FAM72B: variants seen among roughly 807,000 people sequenced by gnomAD.
The protein encoded by FAM72B is RUMY family member 2, also known as protein FAM72B.
Under a neutral mutation model 12.6 loss-of-function variants are expected in FAM72B, and 4 were observed. The ratio of observed to expected loss-of-function variants is 0.32; its 90% CI spans 0.16 to 0.73. FAM72B has a LOEUF of 0.73. FAM72B is among the 30% of genes least tolerant of loss of function. The probability of loss-of-function intolerance (pLI) is 0.67; values close to 1 mark genes in which losing one functional copy is unlikely to be tolerated. For synonymous variants in FAM72B, 13 were observed against 53.9 expected (o/e 0.24, Z 3.32); for missense variants, 61 against 158.4 (o/e 0.39, Z 3.30).
At position 121,183,566 on chromosome 1, in the gene FAM72B, A is replaced by T; in HGVS notation, c.-77T>A. ...ATGCTCCTACTATTTTGATTCCCCTAGGCTAAAATTCAAGTTGCGGGACCT... is the reference window on the plus strand; with the variant it reads ...ATGCTCCTACTATTTTGATTCCCCTTGGCTAAAATTCAAGTTGCGGGACCT... On this transcript the variant is annotated 5_prime_UTR_variant, in exon 1 of 4. Coordinates refer to ENST00000369390, the MANE Select transcript of FAM72B (RefSeq NM_001100910.2). 1 of 1,609,930 alleles carries T rather than the reference A, an allele frequency of 6.2e-7. No homozygotes were observed. Among genetic ancestry groups the T allele is most frequent in the Non-Finnish European group, 8.5e-7 (1 of 1,178,668 alleles).
chr1:121,179,438 C>G (rs1654283252), intron 2 of FAM72B, among the ~76,000 whole-genome samples: 1 of 148,696 alleles, frequency 6.7e-6, no homozygotes, highest in Admixed American at 6.7e-5. Flanking sequence ...TAATCTCACA[C>G]TTTGGGAGGC....
intron 2 of FAM72B, among the ~76,000 whole-genome samples, chr1:121,180,419 C>T (rs1183517711): frequency 7.5e-6 from 1 of 133,706 alleles, no homozygotes; most frequent in African/African-American, 3.1e-5. Flanking sequence ...CATGGTGGTG[C>T]GTGCATGTAA....
intron 3 of FAM72B, among the ~76,000 whole-genome samples, chr1:121,169,076 GGATCACGGTTCACAATCACA>G (rs1654036392): frequency 6.6e-6 from 1 of 150,542 alleles, no homozygotes; most frequent in Non-Finnish European, 1.5e-5. Flanking sequence ...GTGCCTGGCA[GGATCACGGTTCACAATCACA>G]GATCACTGCA....
chr1:121,177,323 A>G lies in FAM72B; in HGVS notation c.240T>C (p.Ile80=). The G allele has an allele frequency of 6.2e-7, 1 of 1,611,288 alleles. No individual in the cohort carries two copies. The highest frequency in any genetic ancestry group is 8.5e-7 in the Non-Finnish European group (1 of 1,179,702). Residue 80 remains isoleucine, a synonymous_variant, in exon 3 of 4, where the codon ATT becomes ATC. Transcript: ENST00000369390. ...KDIACLKCGN[I]VGYHVIVPCS... is the part of the protein sequence containing the mutation. ...ATGGAACAATCACATGATAACCTAC[A>G]ATGTTCCCACTAGAAAAGAAAGTAA...
In FAM72B at chr1:121,183,865, TCC is replaced by T. The variant is rs1558072037; in HGVS notation, c.-378_-377del. ...CTTCATAGCAATTCCCTCAGCCTTC[TCC>T]GATCGTCTAATTTAAAGCTTCTCCT... is the stretch of plus-strand genomic sequence containing the variant. On this transcript the variant is annotated 5_prime_UTR_variant, in exon 1 of 4. Transcript: ENST00000369390. 1 of 153,324 alleles carries T rather than the reference TCC, an allele frequency of 6.5e-6. No homozygotes were observed. Among genetic ancestry groups the T allele is most frequent in the Non-Finnish European group, 1.4e-5 (1 of 69,668 alleles). 9.5% of individuals were successfully genotyped at this position (153,324 alleles called of 1,614,324 possible).
intron 2 of FAM72B, among the ~76,000 whole-genome samples, chr1:121,179,836 A>G (rs587607635): frequency 6.8e-6 from 1 of 147,978 alleles, no homozygotes; most frequent in East Asian, 1.9e-4. Context: ...TTAAAAAAAA[A>G]AAAAAAAAGA....
At chr1:121,182,108 A>G (rs1654344494) in intron 1 of FAM72B, among the ~76,000 whole-genome samples, 1 of 152,260 alleles carries the variant, frequency 6.6e-6, no homozygotes, top group Admixed American at 6.5e-5. Flanking sequence ...AAAGCAGTGG[A>G]CAATGAATCA....
Position 121,183,347 on chromosome 1 carries a change from G to A in FAM72B, c.143C>T (p.Pro48Leu). The change falls in exon 1 of 4, where the codon CCT becomes CTT. Residue 48 changes from proline (P) to leucine (L), a missense_variant. Around this residue, in one of 2 missense-constraint regions of FAM72B, gnomAD observed 12 missense variants for 78.0 expected, o/e 0.15. Transcript: ENST00000369390. ...TEIDLFSTDIPPTNAVDFTGR... is the reference protein window; with the variant it reads ...TEIDLFSTDILPTNAVDFTGR... ...CACTAGCATGACTTACTTGGTAGGA[G>A]GGATGTCTGTAGAGAAAAGGTCTAT... 1 of 1,265,714 alleles carries A rather than the reference G, an allele frequency of 7.9e-7. No individual in the cohort carries two copies. 78.4% of individuals were successfully genotyped at this position (1,265,714 alleles called of 1,614,324 possible). A position where few individuals can be genotyped will look rare whatever the true frequency, so the allele number is the denominator to read the frequency against.
intron 3 of FAM72B, among the ~76,000 whole-genome samples, chr1:121,174,574 T>C (rs1246427070): frequency 3.3e-5 from 5 of 150,286 alleles, no homozygotes; most frequent in African/African-American, 7.3e-5. Flanking sequence ...TCCATGTTGG[T>C]CAGGCTGGTC....
At chr1:121,180,451 A>G (rs1553317483) in intron 2 of FAM72B, among the ~76,000 whole-genome samples, 1 of 131,420 alleles carries the variant, frequency 7.6e-6, no homozygotes, top group Non-Finnish European at 1.6e-5. Flanking sequence ...CAGGAGGCTG[A>G]GGCAGGAGAA....
intron 2 of FAM72B, among the ~76,000 whole-genome samples, chr1:121,179,598 C>A (rs1230235579): frequency 6.6e-6 from 1 of 152,172 alleles, no homozygotes; most frequent in Non-Finnish European, 1.5e-5. Context: ...GAGGCCAAGG[C>A]AGGTGGTCTG....
At chr1:121,174,512 C>T (rs1570680631) in intron 3 of FAM72B, among the ~76,000 whole-genome samples, 1 of 145,614 alleles carries the variant, frequency 6.9e-6, no homozygotes, top group African/African-American at 2.5e-5. Flanking sequence ...GGATTATAGG[C>T]ATGCGCCACC....
At chr1:121,172,963 G>T (rs1195058545) in intron 3 of FAM72B, among the ~76,000 whole-genome samples, 6 of 127,386 alleles carry the variant, frequency 4.7e-5, no homozygotes, top group African/African-American at 9.5e-5. Flanking sequence ...CTGTAATCTC[G>T]CTACTCGGGA....
chr1:121,172,763 A>G (rs1654121405), intron 3 of FAM72B, among the ~76,000 whole-genome samples: 1 of 110,416 alleles, frequency 9.1e-6, no homozygotes, highest in African/African-American at 4.2e-5. Flanking sequence ...TCCATCTCAA[A>G]AAAAAAAAAA....
chr1:121,182,116 T>A (rs587707677), intron 1 of FAM72B, among the ~76,000 whole-genome samples: 55 of 152,374 alleles, frequency 3.6e-4, no homozygotes, highest in African/African-American at 1.2e-3. Flanking sequence ...GGACAATGAA[T>A]CACAGAACTT....
rs587737315 is a variant in FAM72B at position 121,183,643 on chromosome 1, T to C, written c.-154A>G. On this transcript the variant is annotated 5_prime_UTR_variant, in exon 1 of 4. Transcript: ENST00000369390. ...GAAGGAAATTAGTTTTTTTTTTCTG[T>C]TTTCCCGGTGGCGGAGTAGAAGAAG... 16 of 1,521,868 alleles carry C rather than the reference T, an allele frequency of 1.1e-5. No homozygotes were observed. In the South Asian group the frequency reaches 2.1e-4, roughly 20 times the overall value. 94.3% of individuals were successfully genotyped at this position (1,521,868 alleles called of 1,614,324 possible).
chr1:121,174,424 AT>A (rs1328122772), intron 3 of FAM72B, among the ~76,000 whole-genome samples: 2 of 144,220 alleles, frequency 1.4e-5, no homozygotes, highest in African/African-American at 5.2e-5. Flanking sequence ...CTGGAGTGCA[AT>A]GGCGTGATCT....
chr1:121,173,183 AAT>A lies in FAM72B; in HGVS notation c.355+4023_355+4024del, dbSNP rs1491129577. 5.0e-5 allele frequency among the ~76,000 whole-genome samples: 6 copies of A among 118,992 alleles called. No individual in the cohort carries two copies. In the East Asian group the frequency reaches 8.4e-4, roughly 17 times the overall value. The allele number at this position is 118,992 out of a possible 152,430, so 78.1% of individuals were successfully genotyped here. A position where few individuals can be genotyped will look rare whatever the true frequency, so the allele number is the denominator to read the frequency against. ...TGGTAGTGTACTTTCTTACTAAAAT[AAT>A]TTTTTTTTTTTTTTTTTGAGACAGG... On this transcript the variant is annotated intron_variant, in intron 3 of 3. Transcript: ENST00000369390.
intron 3 of FAM72B, among the ~76,000 whole-genome samples, chr1:121,169,746 A>G (rs1654053124): frequency 6.6e-6 from 1 of 151,840 alleles, no homozygotes; most frequent in Non-Finnish European, 1.5e-5. Flanking sequence ...AGGTTGCAGC[A>G]GTCACTATAA....
Sources: allele counts gnomAD v4.1 joint callset (sites outside exome capture counted in the v4.1 genomes callset), GRCh38; gene constraint gnomAD v4.1.1; regional missense constraint gnomAD v4.1.1; transcripts MANE v1.5; gene names NCBI Gene and HGNC (gene_info 2026-07-23, HGNC 2026-07-21).